The following RAD50 variants were observed in gnomAD, a reference collection of about 807,000 sequenced individuals.
RAD50 encodes DNA repair protein RAD50.
Under a neutral mutation model 168.8 loss-of-function variants are expected in RAD50, and 132 were observed. That is an observed-to-expected ratio of 0.78 (90% CI 0.68 to 0.90). The LOEUF (loss-of-function observed/expected upper bound fraction) is 0.90, where lower values mean the gene tolerates loss of function less well. Among genes scored for constraint, RAD50 ranks in the 40% least tolerant of loss-of-function variants. The probability of loss-of-function intolerance (pLI) is 0.00; values close to 1 mark genes in which losing one functional copy is unlikely to be tolerated. For synonymous variants in RAD50, 525 were observed against 497.4 expected, an observed-to-expected ratio of 1.06 and a Z score of -0.74; for missense variants, 1,347 against 1,534.4, an observed-to-expected ratio of 0.88 and a Z score of 2.04.
At chr5:132,571,328 C>T (rs1469577772) in intron 2 of RAD50, among the ~76,000 whole-genome samples, 2 of 152,034 alleles carry the variant, frequency 1.3e-5, no homozygotes, top group African/African-American at 4.8e-5. Flanking sequence ...TGGGGTATGC[C>T]TGTATTTGAT....
Position 132,594,951 on chromosome 5 carries a change from G to A in RAD50, c.1876G>A (p.Glu626Lys), listed in dbSNP as rs763432574. ...KRKEEQLSSY[E>K]DKLFDVCGSQ... Reference sequence around the variant, plus strand: ...AAAGGAAGAGCAGTTGTCCAGTTACGAAGACAAGCTGTTTGATGTTTGTGG... The same window carrying A: ...AAAGGAAGAGCAGTTGTCCAGTTACAAAGACAAGCTGTTTGATGTTTGTGG... Residue 626 changes from glutamate (E) to lysine (K), a missense_variant, in exon 12 of 25, where the codon GAA becomes AAA. Around this residue, in one of 3 missense-constraint regions of RAD50, gnomAD observed 703 missense variants for 767.7 expected, o/e 0.92. Transcript: ENST00000378823. The A allele has an allele frequency of 1.7e-5, 28 of 1,610,900 alleles. No individual in the cohort carries two copies. Among genetic ancestry groups the A allele is most frequent in the Non-Finnish European group, 1.4e-5 (16 of 1,177,200 alleles).
chr5:132,638,395 C>A, intron 23 of RAD50, 172 bp downstream of exon 23: 1 of 757,568 alleles, frequency 1.3e-6, no homozygotes, highest in Non-Finnish European at 2.2e-6. Context: ...TGAAGCTAAC[C>A]AACATTTCCT....
intron 21 of RAD50, among the ~76,000 whole-genome samples, chr5:132,635,574 G>A (rs1351162904): frequency 1.3e-5 from 2 of 152,214 alleles, no homozygotes; most frequent in Non-Finnish European, 2.9e-5. Flanking sequence ...GGGACAGGAT[G>A]CACCACCTGT....
chr5:132,578,107 C>A (rs780904136), intron 3 of RAD50, among the ~76,000 whole-genome samples: 1 of 152,198 alleles, frequency 6.6e-6, no homozygotes, highest in African/African-American at 2.4e-5. Flanking sequence ...GCCACCGCGC[C>A]CAGCCCCATC....
Position 132,628,778 on chromosome 5 carries a change from C to T in RAD50, c.3390-8337C>T, listed in dbSNP as rs528275173. ...AGGAGAATCGCCTGAACCCGGGAGG[C>T]GGAGGTTGCAGTGAGCCAAGATCGT... On this transcript the variant is annotated intron_variant, in intron 21 of 24. Transcript: ENST00000378823. Among the ~76,000 whole-genome samples the T allele has an allele frequency of 1.2e-3, 178 of 151,306 alleles. 1 individual carries two copies. Among genetic ancestry groups the T allele is most frequent in the African/African-American group, 4.1e-3 (167 of 41,220 alleles).
At chr5:132,571,469 GA>G (rs1750305516) in intron 2 of RAD50, among the ~76,000 whole-genome samples, 1 of 152,166 alleles carries the variant, frequency 6.6e-6, no homozygotes, top group African/African-American at 2.4e-5. Context: ...TAATTGTAAA[GA>G]AAAATTTTTT....
chr5:132,579,790 A>G, intron 4 of RAD50, 72 bp from the exon 5 acceptor site: 1 of 1,264,312 alleles, frequency 7.9e-7, no homozygotes, highest in Non-Finnish European at 1.1e-6. Flanking sequence ...TGACAGCATA[A>G]TATCCCACTG....
At chr5:132,638,396 A>G in intron 23 of RAD50, 173 bp downstream of exon 23, 1 of 754,558 alleles carries the variant, frequency 1.3e-6, no homozygotes, top group South Asian at 1.6e-5. Flanking sequence ...GAAGCTAACC[A>G]ACATTTCCTG....
chr5:132,579,849 C>G lies in RAD50; in HGVS notation c.552-13C>G. ...TTTGCCAGAAATTTGATTTTTGTTT[C>G]ATATCTTCAAAGATACATTAAAGCC... is the stretch of plus-strand genomic sequence containing the variant. On this transcript the variant is annotated splice_polypyrimidine_tract_variant and intron_variant, in intron 4 of 24. Transcript: ENST00000378823. 1 of 1,599,228 alleles carries G rather than the reference C, an allele frequency of 6.3e-7. No homozygotes were observed. Among genetic ancestry groups the G allele is most frequent in the Non-Finnish European group, 8.6e-7 (1 of 1,167,076 alleles).
At chr5:132,609,237 TG>T (rs775141317) in intron 18 of RAD50, 28 bp downstream of exon 18, 3 of 1,606,422 alleles carry the variant, frequency 1.9e-6, no homozygotes, top group Non-Finnish European at 2.6e-6. Flanking sequence ...ATTATTTATT[TG>T]ATTGTATTTT....
chr5:132,640,558 T>G, intron 23 of RAD50, 114 bp from the exon 24 acceptor site: 1 of 1,438,738 alleles, frequency 7.0e-7, no homozygotes, highest in Non-Finnish European at 9.8e-7. Flanking sequence ...TACCTAACAG[T>G]GAACCTGTGA....
intron 21 of RAD50, among the ~76,000 whole-genome samples, chr5:132,624,618 G>T (rs1327303691): frequency 6.6e-6 from 1 of 152,086 alleles, no homozygotes; most frequent in African/African-American, 2.4e-5. Context: ...AACCTATTTT[G>T]CCAGGCTTAG....
intron 21 of RAD50, among the ~76,000 whole-genome samples, chr5:132,634,872 T>C (rs1469936009): frequency 2.0e-5 from 3 of 152,224 alleles, no homozygotes; most frequent in African/African-American, 4.8e-5. Context: ...TTTTACTGTT[T>C]CTTTCTTGTT....
chr5:132,590,785 CA>C (rs1298633967), intron 9 of RAD50, among the ~76,000 whole-genome samples: 1 of 152,168 alleles, frequency 6.6e-6, no homozygotes, highest in Non-Finnish European at 1.5e-5. Context: ...GTCAGTTTAG[CA>C]CTTCATCAGT....
chr5:132,638,292 C>T, intron 23 of RAD50, 69 bp downstream of exon 23: 2 of 1,568,824 alleles, frequency 1.3e-6, no homozygotes, highest in Non-Finnish European at 1.7e-6. Context: ...AACATCAGTG[C>T]AGTGGAAGCA....
chr5:132,584,694 C>G (rs537436851), intron 5 of RAD50, among the ~76,000 whole-genome samples: 4 of 152,018 alleles, frequency 2.6e-5, no homozygotes, highest in Non-Finnish European at 5.9e-5. Context: ...TAGAACCAAC[C>G]CAAATGTCCA....
chr5:132,580,142 T>C, intron 5 of RAD50, 76 bp downstream of exon 5: 1 of 1,277,076 alleles, frequency 7.8e-7, no homozygotes, highest in Non-Finnish European at 1.1e-6. Context: ...GATATAAGTA[T>C]ACATCGTGGA....
rs1220653241 is a variant in RAD50, at chr5:132,644,822, G to A, written c.*2458G>A. 1 of 154,524 alleles carries A rather than the reference G, an allele frequency of 6.5e-6. No homozygotes were observed. The highest frequency in any genetic ancestry group is 1.4e-5 in the Non-Finnish European group (1 of 69,550). The allele number at this position is 154,524 out of a possible 1,614,324, so 9.6% of individuals were successfully genotyped here. ...GTCTTGCTCTGTCACCCAGGCTGGA[G>A]TGCAATGGCACCATCTCAGCTCACT... On this transcript the variant is annotated 3_prime_UTR_variant, in exon 25 of 25. Coordinates refer to ENST00000378823, the MANE Select transcript of RAD50 (RefSeq NM_005732.4).
chr5:132,582,360 G>A (rs184607048), intron 5 of RAD50, among the ~76,000 whole-genome samples: 15 of 152,286 alleles, frequency 9.8e-5, no homozygotes, highest in Non-Finnish European at 4.4e-5. Flanking sequence ...CTGGCACATA[G>A]CAGGTGGTTC....
Sources: allele counts gnomAD v4.1 joint callset (sites outside exome capture counted in the v4.1 genomes callset), GRCh38; gene constraint gnomAD v4.1.1; regional missense constraint gnomAD v4.1.1; transcripts MANE v1.5; gene names NCBI Gene and HGNC (gene_info 2026-07-23, HGNC 2026-07-21).